The following MTMR14 variants were observed in gnomAD, a reference collection of about 807,000 sequenced individuals.
MTMR14 encodes phosphatidylinositol-3,5-bisphosphate 3-phosphatase MTMR14.
A neutral mutation model predicts 86.3 loss-of-function variants in MTMR14; 48 were observed. The ratio of observed to expected loss-of-function variants is 0.56; its 90% CI spans 0.44 to 0.71. The LOEUF (loss-of-function observed/expected upper bound fraction) is 0.71, where lower values mean the gene tolerates loss of function less well. Ranked by LOEUF, MTMR14 falls within the 30% of genes least tolerant of loss-of-function variation. The pLI is 0.00. For missense variants in MTMR14, 780 were observed against 834.6 expected, an observed-to-expected ratio of 0.93 and a Z score of 0.81; for synonymous variants, 366 against 326.1, an observed-to-expected ratio of 1.12 and a Z score of -1.32.
chr3:9,686,816 G>A (rs1575054765), intron 13 of MTMR14, among the ~76,000 whole-genome samples: 1 of 152,234 alleles, frequency 6.6e-6, no homozygotes, highest in Non-Finnish European at 1.5e-5. Flanking sequence ...AGGCCTTTGG[G>A]AATCACCACA....
At chr3:9,684,842 G>A in intron 11 of MTMR14, 46 bp from the exon 12 acceptor site, 2 of 1,602,050 alleles carry the variant, frequency 1.2e-6, no homozygotes, top group South Asian at 1.1e-5. Flanking sequence ...TTCAGCTCCT[G>A]GGGATGAGAA....
chr3:9,684,423 C>T (rs2075867850), intron 10 of MTMR14, among the ~76,000 whole-genome samples, 162 bp from the exon 11 acceptor site: 1 of 152,138 alleles, frequency 6.6e-6, no homozygotes, highest in South Asian at 2.1e-4. Flanking sequence ...CCACTCACCC[C>T]TTTCTGGGAC....
In MTMR14 at chr3:9,654,729, C is replaced by T. The variant is rs76344053; in HGVS notation, c.308+960C>T. ...TGCTGCATAGTGCAGTAGCCCCTTG[C>T]TACTCAAAGCAGGGCTAGCAGTGCA... On this transcript the variant is annotated intron_variant, in intron 2 of 18. Coordinates refer to ENST00000296003, the MANE Select transcript of MTMR14 (RefSeq NM_001077525.3). Among the ~76,000 whole-genome samples, 338 of 152,346 alleles carry T rather than the reference C, an allele frequency of 2.2e-3. 4 individuals carry two copies. Among genetic ancestry groups the T allele is most frequent in the East Asian group, 0.019 (98 of 5,192 alleles).
At chr3:9,671,905 A>G (rs926112791) in intron 6 of MTMR14, among the ~76,000 whole-genome samples, 4 of 152,228 alleles carry the variant, frequency 2.6e-5, no homozygotes, top group Middle Eastern at 3.2e-3. Context: ...GGCTAACGTT[A>G]GAGCTCACCT....
At chr3:9,670,009 G>T (rs17050494) in intron 5 of MTMR14, among the ~76,000 whole-genome samples, 3,669 of 152,270 alleles carry the variant, frequency 0.024, 141 homozygotes, top group African/African-American at 0.082. Flanking sequence ...TACAGAACAG[G>T]AGTTTGAGTC....
chr3:9,673,132 AG>A (rs2048664464), intron 7 of MTMR14, among the ~76,000 whole-genome samples: 1 of 152,372 alleles, frequency 6.6e-6, no homozygotes, highest in Admixed American at 6.5e-5. Context: ...TGACATTATT[AG>A]TACTCTGTGT....
At chr3:9,690,709 G>T (rs2076112070) in intron 17 of MTMR14, among the ~76,000 whole-genome samples, 1 of 152,244 alleles carries the variant, frequency 6.6e-6, no homozygotes. Flanking sequence ...CAGGCCAGAG[G>T]CTAGGATTGA....
In MTMR14 at chr3:9,701,907, C is replaced by T. The variant is rs777595702; in HGVS notation, c.1887C>T (p.Ile629=). 24 of 1,614,084 alleles carry T rather than the reference C, an allele frequency of 1.5e-5. No homozygotes were observed. Among genetic ancestry groups the T allele is most frequent in the Non-Finnish European group, 1.9e-5 (22 of 1,180,048 alleles). The stretch of plus-strand genomic sequence containing the variant: ...TAGCCCCCAGTCCTTCCGGTGCCAT[C>T]GGGGGCCTGCTGGAGCAATTTGCCC... ...RAVAPSPSGA[I]GGLLEQFARG... Residue 629 remains isoleucine (I), a synonymous_variant, in exon 19 of 19, where the codon ATC becomes ATT. Transcript: ENST00000296003. This position sits in a 1 kb window ranked among gnomAD's most constrained non-coding sequence, Gnocchi z 4.2.
At chr3:9,675,387 G>T (rs777010797) in intron 7 of MTMR14, 1 of 266,460 alleles carries the variant, frequency 3.8e-6, no homozygotes, top group South Asian at 3.9e-5. Context: ...CCCAAACCAA[G>T]TCACGAGCTG....
intron 17 of MTMR14, among the ~76,000 whole-genome samples, chr3:9,693,987 G>C (rs1175927073): frequency 1.3e-5 from 2 of 152,228 alleles, no homozygotes; most frequent in East Asian, 1.9e-4. Flanking sequence ...TCTCTGGCCA[G>C]CTTCCCTGAT....
intron 1 of MTMR14, 121 bp from the exon 2 acceptor site, chr3:9,653,500 A>G (rs2047427121): frequency 7.8e-7 from 1 of 1,276,040 alleles, no homozygotes; most frequent in African/African-American, 1.5e-5. Flanking sequence ...TCTTCCCAGC[A>G]CAGAATAATT....
At position 9,671,184 on chromosome 3, in the gene MTMR14, C is replaced by T; in HGVS notation, c.677+14C>T. ...GTTTGGCATGAAGTAAGTACAGGCG[C>T]CCACTACAAAATGAGCAGAGGCAGT... On this transcript the variant is annotated intron_variant, in intron 6 of 18. Coordinates refer to ENST00000296003, the MANE Select transcript of MTMR14 (RefSeq NM_001077525.3). The T allele has an allele frequency of 6.2e-7, 1 of 1,614,168 alleles. No individual in the cohort carries two copies. Among genetic ancestry groups the T allele is most frequent in the Non-Finnish European group, 8.5e-7 (1 of 1,179,990 alleles).
At position 9,677,490 on chromosome 3, in the gene MTMR14, G is replaced by T; in HGVS notation, c.822+103G>T. 1 of 1,023,774 alleles carries T rather than the reference G, an allele frequency of 9.8e-7. No individual in the cohort carries two copies. Among genetic ancestry groups the T allele is most frequent in the Admixed American group, 1.8e-5 (1 of 56,700 alleles). The allele number at this position is 1,023,774 out of a possible 1,614,324, so 63.4% of individuals were successfully genotyped here. Reference sequence around the variant, plus strand: ...TGGGGAAAACAACAAGCAGTCTTTGGGGAAAATAACTCCCCTTTCCTCCCT... The same window carrying T: ...TGGGGAAAACAACAAGCAGTCTTTGTGGAAAATAACTCCCCTTTCCTCCCT... On this transcript the variant is annotated intron_variant, in intron 8 of 18. Coordinates refer to ENST00000296003, the MANE Select transcript of MTMR14 (RefSeq NM_001077525.3). The surrounding 1 kb of genome is among the most constrained non-coding windows in gnomAD (Gnocchi z 4.2).
At chr3:9,686,373 C>CCT (rs1183780017) in intron 13 of MTMR14, among the ~76,000 whole-genome samples, 3 of 152,210 alleles carry the variant, frequency 2.0e-5, no homozygotes, top group Non-Finnish European at 2.9e-5. Context: ...ACCAGATCTG[C>CCT]CTGCAGAGGG....
In MTMR14 at chr3:9,671,294, C is replaced by T. The variant is rs1465463557; in HGVS notation, c.677+124C>T. On this transcript the variant is annotated intron_variant, in intron 6 of 18. Coordinates refer to ENST00000296003, the MANE Select transcript of MTMR14 (RefSeq NM_001077525.3). ...ACAAAGGGCTTTCTGTACATTATCTCACTGTATCTTCAGACAGCCCTGCAA... is the reference window on the plus strand; with the variant it reads ...ACAAAGGGCTTTCTGTACATTATCTTACTGTATCTTCAGACAGCCCTGCAA... The T allele has an allele frequency of 2.2e-6, 3 of 1,347,208 alleles. No individual in the cohort carries two copies. The African/African-American group carries it at 4.3e-5, about 19-fold the overall frequency. 83.5% of individuals were successfully genotyped at this position (1,347,208 alleles called of 1,614,324 possible).
At chr3:9,660,262 T>C (rs1163440543) in intron 2 of MTMR14, among the ~76,000 whole-genome samples, 1 of 142,680 alleles carries the variant, frequency 7.0e-6, no homozygotes. Context: ...GGCACTTTGC[T>C]TTTTTTTTTT....
intron 4 of MTMR14, 74 bp downstream of exon 4, chr3:9,668,868 C>G: frequency 6.7e-7 from 1 of 1,482,222 alleles, no homozygotes. Context: ...GGCCGGGCGC[C>G]ATGCCTCACG....
intron 17 of MTMR14, among the ~76,000 whole-genome samples, chr3:9,695,504 G>A (rs772474229): frequency 6.6e-6 from 1 of 152,286 alleles, no homozygotes; most frequent in South Asian, 2.1e-4. Context: ...CTGCAAGTGC[G>A]GTTCTTGGCC....
chr3:9,658,107 A>G (rs2047717210), intron 2 of MTMR14, among the ~76,000 whole-genome samples: 1 of 152,164 alleles, frequency 6.6e-6, no homozygotes, highest in African/African-American at 2.4e-5. Context: ...GCAAGGCCTT[A>G]AAGTGTTACT....
Sources: gnomAD v4.1 joint callset for allele counts (sites outside exome capture counted in the v4.1 genomes callset) on GRCh38, gnomAD v4.1.1 for gene constraint, Gnocchi (gnomAD v3.1) non-coding constraint, MANE v1.5 for transcripts, NCBI Gene and HGNC (gene_info 2026-07-23, HGNC 2026-07-21) for gene names.